KRT19: variants seen among roughly 807,000 people sequenced by gnomAD.
KRT19 encodes keratin 19.
KRT19 carries 21 observed loss-of-function variants against 34.6 expected under a neutral mutation model. That is an observed-to-expected ratio of 0.61 (90% CI 0.43 to 0.87). The LOEUF is 0.87. Among genes scored for constraint, KRT19 ranks in the 40% least tolerant of loss-of-function variants. KRT19 has a pLI of 0.00. For missense variants in KRT19, 514 were observed against 545.7 expected (o/e 0.94, Z 0.58); for synonymous variants, 240 against 245.8 (o/e 0.98, Z 0.22).
chr17:41,524,113 G>A (rs1378896414), intron 5 of KRT19, 30 bp downstream of exon 5: 1 of 1,607,758 alleles, frequency 6.2e-7, no homozygotes. Context: ...GAATTGCACA[G>A]GGAAGCGGCG....
intron 1 of KRT19, among the ~76,000 whole-genome samples, chr17:41,527,523 G>A (rs1905909127): frequency 6.6e-6 from 1 of 152,284 alleles, no homozygotes; most frequent in African/African-American, 2.4e-5. Flanking sequence ...CACTCTTCAG[G>A]CCTCGCTGAC....
rs1165662044 is a variant in KRT19, at chr17:41,524,007, G to A, written c.949-10C>T. Reference sequence around the variant, plus strand: ...CTTCCAAGGCAGCTTTCTGAGGATAGGGAGAGGGGGTTGTGACTCAGCAGA... The same window carrying A: ...CTTCCAAGGCAGCTTTCTGAGGATAAGGAGAGGGGGTTGTGACTCAGCAGA... On this transcript the variant is annotated splice_polypyrimidine_tract_variant and intron_variant, in intron 5 of 5. Coordinates refer to ENST00000361566, the MANE Select transcript of KRT19 (RefSeq NM_002276.5). 8 of 1,608,002 alleles carry A rather than the reference G, an allele frequency of 5.0e-6. No homozygotes were observed. The highest frequency in any genetic ancestry group is 6.8e-6 in the Non-Finnish European group (8 of 1,175,366).
intron 5 of KRT19, 50 bp from the exon 6 acceptor site, chr17:41,524,047 G>C (rs145636969): frequency 7.2e-5 from 115 of 1,600,418 alleles, no homozygotes; most frequent in Non-Finnish European, 9.3e-5. Context: ...GGTTCCCGGA[G>C]AGGGCATGGG....
intron 1 of KRT19, among the ~76,000 whole-genome samples, chr17:41,526,273 C>G (rs191390167): frequency 6.6e-6 from 1 of 151,786 alleles, no homozygotes; most frequent in Non-Finnish European, 1.5e-5. Flanking sequence ...CGCGCCCGGC[C>G]GATTGTGTAG....
rs934431380 is a variant in KRT19, at chr17:41,524,916, G to A, written c.587C>T (p.Ala196Val). Residue 196 changes from alanine to valine, a missense_variant, in exon 3 of 6, where the codon GCC becomes GTC. Ala to Val is a moderately conservative substitution (Grantham distance 64). Coordinates refer to ENST00000361566, the MANE Select transcript of KRT19 (RefSeq NM_002276.5). ...LRRVLDELTL[A>V]RTDLEMQIEG... ...GATCTGCATCTCCAGGTCGGTCCTGGCCAGGGTCAGCTCATCCAGCACCCT... is the reference window on the plus strand; with the variant it reads ...GATCTGCATCTCCAGGTCGGTCCTGACCAGGGTCAGCTCATCCAGCACCCT... 1 of 1,614,194 alleles carries A rather than the reference G, an allele frequency of 6.2e-7. No individual in the cohort carries two copies. Among genetic ancestry groups the A allele is most frequent in the Non-Finnish European group, 8.5e-7 (1 of 1,180,014 alleles).
Position 41,527,946 on chromosome 17 carries a change from A to C in KRT19, c.302T>G (p.Leu101Arg). 2 of 1,613,652 alleles carry C rather than the reference A, an allele frequency of 1.2e-6. No individual in the cohort carries two copies. Among genetic ancestry groups the C allele is most frequent in the Non-Finnish European group, 1.7e-6 (2 of 1,179,878 alleles). The change falls in exon 1 of 6, where the codon CTG becomes CGG. Residue 101 changes from leucine to arginine, a missense_variant. Leu to Arg is a moderately radical substitution (Grantham distance 102). Transcript: ENST00000361566. ...LASYLDKVRA[L>R]EAANGELEVK... is the part of the protein sequence containing the mutation. ...CTCTAGCTCGCCGTTGGCCGCCTCC[A>C]GGGCGCGCACCTTGTCCAGGTAGGA...
Position 41,523,661 on chromosome 17 carries a change from G to A in KRT19, c.*82C>T, listed in dbSNP as rs748861915. 2.4e-4 allele frequency: 331 copies of A among 1,392,998 alleles called. 3 individuals are homozygous for A. In the African/African-American group the frequency reaches 2.8e-3, roughly 12 times the overall value. The allele number at this position is 1,392,998 out of a possible 1,614,324, so 86.3% of individuals were successfully genotyped here. On this transcript the variant is annotated 3_prime_UTR_variant, in exon 6 of 6. Coordinates refer to ENST00000361566, the MANE Select transcript of KRT19 (RefSeq NM_002276.5). ...TTATTGGCAGGTCAGGAGAAGAGCC[G>A]GGGGTAAGGGTCCCTTCCTTCCCAT...
chr17:41,528,069 G>C lies in KRT19; in HGVS notation c.179C>G (p.Ala60Gly), dbSNP rs4602. ...ARFVSSSSSG[A>G]YGGGYGGVLT... Reference sequence around the variant, plus strand: ...GACGCCGCCGTAGCCGCCGCCGTAGGCCCCCGAGGAGGACGAGGACACAAA... The same window carrying C: ...GACGCCGCCGTAGCCGCCGCCGTAGCCCCCCGAGGAGGACGAGGACACAAA... The change falls in exon 1 of 6, where the codon GCC becomes GGC. Residue 60 changes from alanine to glycine, a missense_variant. Transcript: ENST00000361566. The C allele has an allele frequency of 0.65, 1,052,506 of 1,611,788 alleles. 347,242 individuals are homozygous for C. The highest frequency in any genetic ancestry group is 0.93 in the East Asian group (41,752 of 44,832).
At chr17:41,527,786 C>A in intron 1 of KRT19, 42 bp downstream of exon 1, 2 of 1,517,482 alleles carry the variant, frequency 1.3e-6, no homozygotes, top group Non-Finnish European at 1.8e-6. Context: ...TGGGTTTCCG[C>A]GGCAGGTGCA....
intron 2 of KRT19, 35 bp downstream of exon 2, chr17:41,525,156 C>T (rs762382751): frequency 1.1e-5 from 17 of 1,591,832 alleles, no homozygotes; most frequent in African/African-American, 1.3e-5. Flanking sequence ...TACCCCAGTC[C>T]TGGCTTCTGC....
Position 41,524,917 on chromosome 17 carries a change from C to A in KRT19, c.586G>T (p.Ala196Ser). The A allele has an allele frequency of 6.2e-7, 1 of 1,614,198 alleles. No individual in the cohort carries two copies. The highest frequency in any genetic ancestry group is 8.5e-7 in the Non-Finnish European group (1 of 1,179,994). ...LRRVLDELTLARTDLEMQIEG... is the reference protein window; with the variant it reads ...LRRVLDELTLSRTDLEMQIEG... The stretch of plus-strand genomic sequence containing the variant: ...ATCTGCATCTCCAGGTCGGTCCTGG[C>A]CAGGGTCAGCTCATCCAGCACCCTG... The change falls in exon 3 of 6, where the codon GCC (alanine) becomes TCC (serine). Residue 196 changes from alanine (A) to serine (S), a missense_variant. Transcript: ENST00000361566.
Position 41,528,036 on chromosome 17 carries a change from G to A in KRT19, c.212C>T (p.Ala71Val), listed in dbSNP as rs773961455. ...GTTGCCCGCCAGCAGCCCGTCGGAC[G>A]CGGTCAGGACGCCGCCGTAGCCGCC... is the stretch of plus-strand genomic sequence containing the variant. ...YGGGYGGVLTASDGLLAGNEK... is the reference protein window; with the variant it reads ...YGGGYGGVLTVSDGLLAGNEK... Residue 71 changes from alanine to valine, a missense_variant, in exon 1 of 6, where the codon GCG becomes GTG. Physicochemically the swap from Ala to Val is moderately conservative, Grantham distance 64 (BLOSUM62 0). Transcript: ENST00000361566. The A allele has an allele frequency of 6.2e-7, 1 of 1,612,236 alleles. No homozygotes were observed.
chr17:41,525,889 T>A (rs1293481400), intron 1 of KRT19, among the ~76,000 whole-genome samples: 5 of 152,230 alleles, frequency 3.3e-5, no homozygotes, highest in Non-Finnish European at 7.3e-5. Flanking sequence ...GTTCTGTTTT[T>A]CAAAGAGCAG....
At position 41,525,178 on chromosome 17, in the gene KRT19, C is replaced by A. The variant is rs1567722459; in HGVS notation, c.503+13G>T. On this transcript the variant is annotated intron_variant, in intron 2 of 5. Coordinates refer to ENST00000361566, the MANE Select transcript of KRT19 (RefSeq NM_002276.5). ...GTCCTGGCTTCTGCAGCCCCCAGGACAGAGACACTCACTTGGTTCGGAAGT... is the reference window on the plus strand; with the variant it reads ...GTCCTGGCTTCTGCAGCCCCCAGGAAAGAGACACTCACTTGGTTCGGAAGT... The A allele has an allele frequency of 6.2e-7, 1 of 1,608,620 alleles. No individual in the cohort carries two copies. The highest frequency in any genetic ancestry group is 1.1e-5 in the South Asian group (1 of 90,964).
chr17:41,525,670 G>T (rs1428816860), intron 1 of KRT19: 1 of 219,830 alleles, frequency 4.5e-6, no homozygotes, highest in East Asian at 1.2e-4. Context: ...AATCCCATTT[G>T]TTGAGTATCA....
Position 41,528,267 on chromosome 17 carries a change from G to A in KRT19, c.-20C>T, listed in dbSNP as rs775532695. On this transcript the variant is annotated 5_prime_UTR_variant, in exon 1 of 6. Coordinates refer to ENST00000361566, the MANE Select transcript of KRT19 (RefSeq NM_002276.5). ...AGTCATGGCGAGGCGGAGCACGGACGGAGCAACCCTGGTCTCAGAAGCTGC... is the reference window on the plus strand; with the variant it reads ...AGTCATGGCGAGGCGGAGCACGGACAGAGCAACCCTGGTCTCAGAAGCTGC... The A allele has an allele frequency of 6.6e-7, 1 of 1,524,090 alleles. No homozygotes were observed. The highest frequency in any genetic ancestry group is 1.3e-5 in the South Asian group (1 of 78,252). 94.4% of individuals were successfully genotyped at this position (1,524,090 alleles called of 1,614,324 possible).
intron 1 of KRT19, 62 bp downstream of exon 1, chr17:41,527,766 C>G: frequency 6.7e-7 from 1 of 1,502,424 alleles, no homozygotes; most frequent in Non-Finnish European, 8.9e-7. Context: ...CCTCGCCCGG[C>G]CCGCGGGGCT....
At chr17:41,527,727 C>T in intron 1 of KRT19, 101 bp downstream of exon 1, 1 of 1,322,182 alleles carries the variant, frequency 7.6e-7, no homozygotes. Context: ...CACGTCCTAA[C>T]GGGCTCCTGC....
intron 1 of KRT19, among the ~76,000 whole-genome samples, chr17:41,526,404 AAAAG>A (rs1330739944): frequency 2.0e-5 from 3 of 151,800 alleles, no homozygotes; most frequent in African/African-American, 7.3e-5. Flanking sequence ...AGAGGTGAGA[AAAAG>A]AATGCGTAAG....
Sources: gnomAD v4.1 joint callset for allele counts (sites outside exome capture counted in the v4.1 genomes callset) on GRCh38, gnomAD v4.1.1 for gene constraint, MANE v1.5 for transcripts, NCBI Gene and HGNC (gene_info 2026-07-23, HGNC 2026-07-21) for gene names.